SLC71A1: variants seen among roughly 807,000 people sequenced by gnomAD.
The protein encoded by SLC71A1 is hippocampus abundant gene transcript 1.
At chr1:100,038,321 G>A in the SLC71A1 span, 1 of 1,553,134 alleles carries the variant, frequency 6.4e-7, no homozygotes, top group Non-Finnish European at 8.7e-7. Flanking sequence ...GGCACGGTGA[G>A]CTGAGTTCCG....
At chr1:100,048,339 C>T in the SLC71A1 span, among the ~76,000 whole-genome samples, 2 of 152,144 alleles carry the variant, frequency 1.3e-5, no homozygotes, top group African/African-American at 2.4e-5. Context: ...GCCACCATGC[C>T]CAGCTAATTT....
the SLC71A1 span, among the ~76,000 whole-genome samples, chr1:100,048,400 G>A: frequency 5.3e-5 from 8 of 152,030 alleles, no homozygotes; most frequent in African/African-American, 1.2e-4. Context: ...GGCTGGTCTC[G>A]AACTCTTGAC....
the SLC71A1 span, among the ~76,000 whole-genome samples, chr1:100,062,875 C>T: frequency 2.9e-4 from 40 of 138,386 alleles, no homozygotes; most frequent in African/African-American, 9.3e-4. Flanking sequence ...CAGGAGTTCA[C>T]GACCAGCCTG....
the SLC71A1 span, among the ~76,000 whole-genome samples, chr1:100,039,601 A>AG: frequency 3.9e-5 from 6 of 152,276 alleles, no homozygotes; most frequent in African/African-American, 1.4e-4. Flanking sequence ...TACTTTGATT[A>AG]GATCGGTTAT....
At chr1:100,054,598 C>T in the SLC71A1 span, among the ~76,000 whole-genome samples, 2 of 152,082 alleles carry the variant, frequency 1.3e-5, no homozygotes, top group African/African-American at 2.4e-5. Flanking sequence ...GTCCATGTTA[C>T]GGAACACTCA....
the SLC71A1 span, chr1:100,078,573 A>G: frequency 1.3e-6 from 2 of 1,484,002 alleles, no homozygotes; most frequent in Non-Finnish European, 1.9e-6. Context: ...ACTAGCGATA[A>G]TTATTTAAAA....
the SLC71A1 span, among the ~76,000 whole-genome samples, chr1:100,051,224 C>G: frequency 6.6e-6 from 1 of 152,082 alleles, no homozygotes; most frequent in Non-Finnish European, 1.5e-5. Context: ...AACCCTGTCT[C>G]TACTAAAAAT....
the SLC71A1 span, among the ~76,000 whole-genome samples, chr1:100,059,035 A>G: frequency 2.6e-5 from 4 of 151,898 alleles, no homozygotes; most frequent in African/African-American, 9.7e-5. Context: ...TTGTAAGACT[A>G]CAGATTGAAG....
the SLC71A1 span, among the ~76,000 whole-genome samples, chr1:100,057,806 C>T: frequency 6.6e-6 from 1 of 152,190 alleles, no homozygotes; most frequent in African/African-American, 2.4e-5. Flanking sequence ...AATGTTTCTT[C>T]TTAAAGGGAA....
the SLC71A1 span, chr1:100,069,731 G>T: frequency 7.7e-7 from 1 of 1,291,280 alleles, no homozygotes; most frequent in South Asian, 1.2e-5. Context: ...ACCCTGGCTG[G>T]CCATCCAAAC....
chr1:100,051,525 C>A, the SLC71A1 span, among the ~76,000 whole-genome samples: 1 of 149,934 alleles, frequency 6.7e-6, no homozygotes, highest in African/African-American at 2.5e-5. Flanking sequence ...TACACATTTC[C>A]TGGCTTCATA....
At chr1:100,071,589 A>G in the SLC71A1 span, among the ~76,000 whole-genome samples, 1 of 152,226 alleles carries the variant, frequency 6.6e-6, no homozygotes, top group South Asian at 2.1e-4. Flanking sequence ...TTTTTCATAC[A>G]TTGCCAACAT....
At chr1:100,066,948 C>G in the SLC71A1 span, among the ~76,000 whole-genome samples, 1 of 133,258 alleles carries the variant, frequency 7.5e-6, no homozygotes, top group Admixed American at 8.8e-5. Flanking sequence ...GAGATCGCGC[C>G]ACTGCACTCC....
chr1:100,064,581 C>G, the SLC71A1 span, among the ~76,000 whole-genome samples: 1 of 152,298 alleles, frequency 6.6e-6, no homozygotes, highest in African/African-American at 2.4e-5. Context: ...GCTTCTGTCA[C>G]CATGGTTTTG....
the SLC71A1 span, among the ~76,000 whole-genome samples, chr1:100,048,429 C>G: frequency 2.0e-5 from 3 of 152,108 alleles, no homozygotes; most frequent in African/African-American, 7.2e-5. Flanking sequence ...ATCTGCCCAC[C>G]TTGGCCTCCC....
At chr1:100,060,484 G>C in the SLC71A1 span, among the ~76,000 whole-genome samples, 1 of 152,208 alleles carries the variant, frequency 6.6e-6, no homozygotes, top group Admixed American at 6.5e-5. Flanking sequence ...GGCAGTTCCA[G>C]TGGAGCAGAC....
chr1:100,068,470 T>A, the SLC71A1 span: 1 of 1,584,708 alleles, frequency 6.3e-7, no homozygotes, highest in South Asian at 1.1e-5. Flanking sequence ...TTTCTTGTTC[T>A]AGTCCTTAAA....
chr1:100,040,416 C>T, the SLC71A1 span, among the ~76,000 whole-genome samples: 5 of 152,134 alleles, frequency 3.3e-5, no homozygotes, highest in African/African-American at 1.2e-4. Context: ...AGTTGCTTAT[C>T]TACCTCTCTA....
the SLC71A1 span, among the ~76,000 whole-genome samples, chr1:100,053,027 G>A: frequency 7.9e-5 from 12 of 152,142 alleles, no homozygotes; most frequent in East Asian, 3.9e-4. Context: ...CAGGTGATCC[G>A]CCTGCCTCGG....
Sources: gnomAD v4.1 joint callset for allele counts (sites outside exome capture counted in the v4.1 genomes callset) on GRCh38, gnomAD v4.1.1 for gene constraint, MANE v1.5 for transcripts, NCBI Gene and HGNC (gene_info 2026-07-23, HGNC 2026-07-21) for gene names.